The following MYH11 variants were observed in gnomAD, a reference collection of about 807,000 sequenced individuals.
The protein encoded by MYH11 is myosin heavy chain 11, also known as myosin-11.
MYH11 carries 80 observed loss-of-function variants against 246.6 expected under a neutral mutation model. That is an observed-to-expected ratio of 0.32 (90% CI 0.27 to 0.39). The LOEUF (loss-of-function observed/expected upper bound fraction) is 0.39, where lower values mean the gene tolerates loss of function less well. MYH11 is among the 10% of genes least tolerant of loss of function. The pLI, the probability that MYH11 is intolerant of heterozygous loss-of-function variation, is 1.00. For missense variants in MYH11, 2,158 were observed against 2,546.8 expected, an observed-to-expected ratio of 0.85 and a Z score of 3.29; for synonymous variants, 1,071 against 1,015.5, an observed-to-expected ratio of 1.05 and a Z score of -1.04.
chr16:15,758,811 A>C (rs2041797235), intron 12 of MYH11, among the ~76,000 whole-genome samples: 1 of 151,890 alleles, frequency 6.6e-6, no homozygotes. Flanking sequence ...AAAAAAAAAA[A>C]AAATTAGCTG....
chr16:15,731,266 T>C (rs988149336), intron 27 of MYH11, among the ~76,000 whole-genome samples: 3 of 152,190 alleles, frequency 2.0e-5, no homozygotes, highest in African/African-American at 7.2e-5. Context: ...CCTATAGGCC[T>C]TCAGTCCTGT....
At chr16:15,714,749 C>T in intron 40 of MYH11, 160 bp downstream of exon 40, 1 of 936,758 alleles carries the variant, frequency 1.1e-6, no homozygotes, top group East Asian at 2.4e-5. Flanking sequence ...CAGTGCCTGG[C>T]CCACACTAAG....
At chr16:15,711,202 G>A (rs1030086957) in intron 40 of MYH11, 4 of 152,198 alleles carry the variant, frequency 2.6e-5, no homozygotes, top group African/African-American at 9.7e-5. Context: ...ACTTTTCCCT[G>A]TCTCACGCAG....
intron 8 of MYH11, among the ~76,000 whole-genome samples, chr16:15,775,097 C>G (rs1287221839): frequency 6.6e-6 from 1 of 152,198 alleles, no homozygotes; most frequent in African/African-American, 2.4e-5. Context: ...CATGTAGACT[C>G]TACTATGTAC....
chr16:15,744,208 T>C (rs1169665836), intron 20 of MYH11, among the ~76,000 whole-genome samples: 1 of 152,316 alleles, frequency 6.6e-6, no homozygotes, highest in Non-Finnish European at 1.5e-5. Flanking sequence ...TATTTTTTTT[T>C]GAGACGGAGT....
At chr16:15,796,871 G>A (rs902304542) in intron 4 of MYH11, among the ~76,000 whole-genome samples, 2 of 152,170 alleles carry the variant, frequency 1.3e-5, no homozygotes, top group Admixed American at 6.5e-5. Flanking sequence ...AAGTCGGCAG[G>A]TTGTTTTAGC....
rs201405955 is a variant in MYH11, at chr16:15,838,112, T to C, written c.141A>G (p.Ala47=). The C allele has an allele frequency of 6.2e-7, 1 of 1,614,114 alleles. No individual in the cohort carries two copies. Among genetic ancestry groups the C allele is most frequent in the Admixed American group, 1.7e-5 (1 of 60,020 alleles). Reference sequence around the variant, plus strand: ...CCCCCTTCTCCTCCTTAATGCTGGCTGCCTCGAAGCCCTGCTTCTCCGAGG... The same window carrying C: ...CCCCCTTCTCCTCCTTAATGCTGGCCGCCTCGAAGCCCTGCTTCTCCGAGG... ...WVPSEKQGFE[A]ASIKEEKGDE... is the part of the protein sequence containing the mutation. Residue 47 remains alanine (A), a synonymous_variant, in exon 2 of 41, where the codon GCA becomes GCG. Transcript: ENST00000300036.
Position 15,703,741 on chromosome 16 carries a change from A to G in MYH11, c.*250T>C. 2 of 516,508 alleles carry G rather than the reference A, an allele frequency of 3.9e-6. No individual in the cohort carries two copies. The highest frequency in any genetic ancestry group is 3.5e-6 in the Non-Finnish European group (1 of 285,572). The allele number at this position is 516,508 out of a possible 1,614,324, so 32.0% of individuals were successfully genotyped here. On this transcript the variant is annotated 3_prime_UTR_variant, in exon 41 of 41. Transcript: ENST00000300036. The stretch of plus-strand genomic sequence containing the variant: ...GTAGCTGGGACCACAGGTGTGTACC[A>G]CCACGCCCAGCTTATTTTTAAATTC...
chr16:15,810,434 G>A (rs79213096), intron 3 of MYH11, among the ~76,000 whole-genome samples: 4 of 152,220 alleles, frequency 2.6e-5, no homozygotes, highest in East Asian at 3.9e-4. Context: ...AGATAAAAAC[G>A]TGAACTTTTC....
At chr16:15,834,526 CAAA>C (rs1242104484) in intron 2 of MYH11, among the ~76,000 whole-genome samples, 1 of 110,474 alleles carries the variant, frequency 9.1e-6, no homozygotes, top group Non-Finnish European at 1.9e-5. Flanking sequence ...AATTCCATCT[CAAA>C]AAAAAAAAAA....
At position 15,717,470 on chromosome 16, in the gene MYH11, CCT is replaced by C. The variant is rs1412075443; in HGVS notation, c.5296-124_5296-123del. On this transcript the variant is annotated intron_variant, in intron 37 of 40. Transcript: ENST00000300036. The stretch of plus-strand genomic sequence containing the variant: ...AGTCCCTTGATCCCGGGCACCCTGT[CCT>C]CTCCTTCATCCTGTAAAACTCCACT... 3 of 980,636 alleles carry C rather than the reference CCT, an allele frequency of 3.1e-6. No homozygotes were observed. In the African/African-American group the frequency reaches 4.8e-5, roughly 16 times the overall value. The allele number at this position is 980,636 out of a possible 1,614,324, so 60.7% of individuals were successfully genotyped here.
intron 4 of MYH11, among the ~76,000 whole-genome samples, chr16:15,798,001 G>A (rs999445306): frequency 4.6e-5 from 7 of 152,116 alleles, no homozygotes; most frequent in African/African-American, 1.4e-4. Flanking sequence ...GCACAATAAA[G>A]TTGTGATACC....
chr16:15,714,326 C>T (rs1157980434), intron 40 of MYH11: 1 of 164,244 alleles, frequency 6.1e-6, no homozygotes, highest in Non-Finnish European at 1.3e-5. Flanking sequence ...CTTCTGGCAA[C>T]ATCTAGAGAC....
rs370934806 is a variant in MYH11 at position 15,748,145 on chromosome 16, C to G, written c.2082G>C (p.Leu694=). ...CATTGCACCGCAGCTGCTCCAGCAC[C>G]AGGAACGCATCCAGCTTGCCGGACT... ...EKRSGKLDAF[L]VLEQLRCNGV... The change falls in exon 17 of 41, where the codon CTG becomes CTC. Residue 694 remains leucine, a synonymous_variant. Transcript: ENST00000300036. The G allele has an allele frequency of 6.2e-7, 1 of 1,613,866 alleles. No individual in the cohort carries two copies. Among genetic ancestry groups the G allele is most frequent in the African/African-American group, 1.3e-5 (1 of 74,910 alleles).
chr16:15,746,427 C>T lies in MYH11; in HGVS notation c.2411+1143G>A, dbSNP rs541747653. Among the ~76,000 whole-genome samples, 26 of 152,270 alleles carry T rather than the reference C, an allele frequency of 1.7e-4. No individual in the cohort carries two copies. The Middle Eastern group carries it at 0.02, about 120-fold the overall frequency. On this transcript the variant is annotated intron_variant, in intron 19 of 40. Transcript: ENST00000300036. ...TGCCCCAGTTATCCAGGAAGGACAG[C>T]AACAGGGAACTTAGTAACGAAACTT...
intron 40 of MYH11, 145 bp downstream of exon 40, chr16:15,714,764 G>C (rs886848161): frequency 1.7e-5 from 18 of 1,067,338 alleles, no homozygotes; most frequent in Non-Finnish European, 2.5e-5. Flanking sequence ...ACTAAGCTTA[G>C]TGATTAAGGA....
intron 31 of MYH11, among the ~76,000 whole-genome samples, chr16:15,723,003 C>G (rs1322853968): frequency 1.3e-5 from 2 of 152,136 alleles, no homozygotes; most frequent in Non-Finnish European, 1.5e-5. Flanking sequence ...CTCAGCCTCC[C>G]AAAGTGCTAG....
At chr16:15,738,415 A>G in intron 24 of MYH11, 150 bp downstream of exon 24, 2 of 681,834 alleles carry the variant, frequency 2.9e-6, no homozygotes, top group Admixed American at 3.0e-5. Flanking sequence ...CAGGAGGCTG[A>G]GGCAGGAGGA....
At chr16:15,718,609 C>T in intron 36 of MYH11, 171 bp from the exon 37 acceptor site, 1 of 1,047,928 alleles carries the variant, frequency 9.5e-7, no homozygotes, top group East Asian at 2.6e-5. Flanking sequence ...AAGTGGACAG[C>T]CGGGACTCAG....
Sources: allele counts gnomAD v4.1 joint callset (sites outside exome capture counted in the v4.1 genomes callset), GRCh38; gene constraint gnomAD v4.1.1; transcripts MANE v1.5; gene names NCBI Gene and HGNC (gene_info 2026-07-23, HGNC 2026-07-21).